The following TFR2 variants were observed in gnomAD, a reference collection of about 807,000 sequenced individuals.
The protein encoded by TFR2 is transferrin receptor 2.
TFR2 carries 64 observed loss-of-function variants against 91.9 expected under a neutral mutation model. That is an observed-to-expected ratio of 0.70 (90% CI 0.57 to 0.86). TFR2 has a LOEUF of 0.86. TFR2 is among the 40% of genes least tolerant of loss of function. The pLI is 0.00. For synonymous variants in TFR2, 454 were observed against 459.6 expected, an observed-to-expected ratio of 0.99 and a Z score of 0.15; for missense variants, 950 against 1,080.5, an observed-to-expected ratio of 0.88 and a Z score of 1.69.
intron 10 of TFR2, among the ~76,000 whole-genome samples, chr7:100,628,924 G>A (rs917098552): frequency 2.0e-5 from 3 of 151,882 alleles, no homozygotes; most frequent in Non-Finnish European, 2.9e-5. Flanking sequence ...CCTCCACCAC[G>A]CCTGGCTAAT....
chr7:100,628,778 T>C (rs1374745198), intron 10 of TFR2, among the ~76,000 whole-genome samples: 1 of 146,922 alleles, frequency 6.8e-6, no homozygotes, highest in Admixed American at 6.7e-5. Context: ...CTTTTCTTTC[T>C]TTTTTTTAGA....
chr7:100,628,298 GC>G lies in TFR2; in HGVS notation c.1398del (p.Arg468AlafsTer23), dbSNP rs773050231. On this transcript the variant is annotated frameshift_variant, in exon 11 of 18. Transcript: ENST00000223051. LOFTEE classifies it high-confidence loss of function. ...TFSSMVSNGF[R>X]PRRSLLFISW... ...CTGATGAAGAGGAGACTTCTGCGGG[GC>G]CGGAAGCCTGGGGACAGAGGGGAAG... 2.0e-5 allele frequency: 33 copies of G among 1,614,064 alleles called. No homozygotes were observed. The Admixed American group carries it at 5.5e-4, about 27-fold the overall frequency.
chr7:100,629,510 C>T lies in TFR2; in HGVS notation c.1271-138G>A, dbSNP rs577373172. 260 of 1,516,316 alleles carry T rather than the reference C, an allele frequency of 1.7e-4. No homozygotes were observed. In the African/African-American group the frequency reaches 3.0e-3, roughly 17 times the overall value. The allele number at this position is 1,516,316 out of a possible 1,614,324, so 93.9% of individuals were successfully genotyped here. On this transcript the variant is annotated intron_variant, in intron 9 of 17. Coordinates refer to ENST00000223051, the MANE Select transcript of TFR2 (RefSeq NM_003227.4). ...CAGTCCCTCCAGTCCCTAAAGAGGG[C>T]GCCCCTCCCCACTTGGCCCTTCCTG...
intron 17 of TFR2, among the ~76,000 whole-genome samples, chr7:100,624,939 TG>T (rs1803213943): frequency 6.6e-6 from 1 of 151,776 alleles, no homozygotes; most frequent in African/African-American, 2.4e-5. Context: ...CACCAACCCC[TG>T]GTCTAGAGCC....
Position 100,641,228 on chromosome 7 carries a change from G to A in TFR2, c.34C>T (p.Gln12Ter), listed in dbSNP as rs2131328001. The part of the protein sequence containing the change: ...ERLWGLFQRA[Q>*]QLSPRSSQTV... ...TGAGAGGATCTTGGGGACAGTTGTTGCTGTGCAGGCGAGGTGGGCATGAGA... is the reference window on the plus strand; with the variant it reads ...TGAGAGGATCTTGGGGACAGTTGTTACTGTGCAGGCGAGGTGGGCATGAGA... Residue 12 changes from glutamine (Q) to a stop codon, truncating the protein, a stop_gained and splice_region_variant, in exon 2 of 18, where the codon CAA becomes TAA. Coordinates refer to ENST00000223051, the MANE Select transcript of TFR2 (RefSeq NM_003227.4). LOFTEE classifies it high-confidence loss of function. 4 of 1,537,826 alleles carry A rather than the reference G, an allele frequency of 2.6e-6. No individual in the cohort carries two copies. Among genetic ancestry groups the A allele is most frequent in the Non-Finnish European group, 3.5e-6 (4 of 1,139,796 alleles).
chr7:100,631,056 G>T lies in TFR2; in HGVS notation c.1107-4C>A. 2.6e-6 allele frequency: 4 copies of T among 1,564,296 alleles called. No homozygotes were observed. The highest frequency in any genetic ancestry group is 3.4e-6 in the Non-Finnish European group (4 of 1,160,278). On this transcript the variant is annotated splice_polypyrimidine_tract_variant and splice_region_variant and intron_variant, in intron 8 of 17. Transcript: ENST00000223051. ...GGCCACAGGGCCTTTGAGCTTCCTG[G>T]AGAGGAGGAAGGCAGAAAGGGGGAA...
chr7:100,637,111 C>G (rs768899465), intron 3 of TFR2, among the ~76,000 whole-genome samples: 1 of 151,868 alleles, frequency 6.6e-6, no homozygotes, highest in Non-Finnish European at 1.5e-5. Flanking sequence ...AAAAAAAATA[C>G]ATAAATTGCC....
Position 100,633,254 on chromosome 7 carries a change from G to A in TFR2, c.701C>T (p.Pro234Leu). 6.2e-7 allele frequency: 1 copy of A among 1,613,828 alleles called. No homozygotes were observed. Among genetic ancestry groups the A allele is most frequent in the East Asian group, 2.2e-5 (1 of 44,862 alleles). Residue 234 changes from proline (P) to leucine (L), a missense_variant, in exon 5 of 18, where the codon CCC (proline) becomes CTC (leucine). Transcript: ENST00000223051. ...LPLEDPDVYC[P>L]YSAIGNVTGE... ...CGTGACGTTGCCGATGGCGCTGTAG[G>A]GGCAGTAGACGTCAGGGTCCTCCAG...
chr7:100,622,383 G>T (rs1205398754), intron 17 of TFR2, among the ~76,000 whole-genome samples: 1 of 152,086 alleles, frequency 6.6e-6, no homozygotes, highest in African/African-American at 2.4e-5. Flanking sequence ...TATCAGTACC[G>T]ATCTCTTCCC....
chr7:100,635,687 C>T (rs1803561231), intron 3 of TFR2, among the ~76,000 whole-genome samples: 1 of 152,112 alleles, frequency 6.6e-6, no homozygotes, highest in African/African-American at 2.4e-5. Flanking sequence ...TGGTCTCGAA[C>T]TCCTGTCCTC....
chr7:100,634,528 C>A (rs542684550), intron 3 of TFR2, among the ~76,000 whole-genome samples: 5 of 152,318 alleles, frequency 3.3e-5, no homozygotes, highest in African/African-American at 1.2e-4. Flanking sequence ...AGGCATGAAC[C>A]ATGACGACCC....
intron 17 of TFR2, among the ~76,000 whole-genome samples, chr7:100,625,741 C>T (rs538783867): frequency 3.3e-5 from 5 of 152,136 alleles, no homozygotes; most frequent in South Asian, 2.1e-4. Context: ...AAAATTTAGC[C>T]GGGCGTCATG....
chr7:100,621,407 C>T (rs943486375), intron 17 of TFR2, among the ~76,000 whole-genome samples: 4 of 152,178 alleles, frequency 2.6e-5, no homozygotes, highest in East Asian at 1.9e-4. Context: ...GCACCCGCCA[C>T]GACGCCCGGC....
chr7:100,632,021 C>T, intron 7 of TFR2, 61 bp downstream of exon 7: 1 of 1,614,128 alleles, frequency 6.2e-7, no homozygotes, highest in Non-Finnish European at 8.5e-7. Context: ...CAGCCCTATT[C>T]TGAGCAAGAA....
intron 3 of TFR2, among the ~76,000 whole-genome samples, chr7:100,637,064 G>C (rs543243466): frequency 3.3e-5 from 5 of 152,136 alleles, no homozygotes; most frequent in African/African-American, 1.2e-4. Flanking sequence ...CCAGGAGTTC[G>C]AAACCAGCCT....
intron 9 of TFR2, 62 bp downstream of exon 9, chr7:100,630,827 G>A (rs1803409653): frequency 1.2e-6 from 2 of 1,606,974 alleles, no homozygotes; most frequent in East Asian, 2.2e-5. Context: ...TTGCCAGGGT[G>A]TATGGGCAGA....
chr7:100,628,295 G>C lies in TFR2; in HGVS notation c.1402C>G (p.Arg468Gly). Residue 468 changes from arginine to glycine, a missense_variant, in exon 11 of 18, where the codon CGC becomes GGC. Arg to Gly is a moderately radical substitution (Grantham distance 125). Transcript: ENST00000223051. ...SSMVSNGFRP[R>G]RSLLFISWDG... is the part of the protein sequence containing the mutation. The stretch of plus-strand genomic sequence containing the variant: ...CAGCTGATGAAGAGGAGACTTCTGC[G>C]GGGCCGGAAGCCTGGGGACAGAGGG... The C allele has an allele frequency of 6.2e-7, 1 of 1,613,950 alleles. No individual in the cohort carries two copies. The highest frequency in any genetic ancestry group is 8.5e-7 in the Non-Finnish European group (1 of 1,179,932).
intron 8 of TFR2, chr7:100,631,581 A>G (rs1408706618): frequency 1.1e-5 from 5 of 446,150 alleles, no homozygotes; most frequent in Admixed American, 3.9e-5. Context: ...CCAAGATTGC[A>G]CCACTGCACT....
At chr7:100,624,911 G>T (rs897726178) in intron 17 of TFR2, among the ~76,000 whole-genome samples, 2 of 151,550 alleles carry the variant, frequency 1.3e-5, no homozygotes, top group Non-Finnish European at 2.9e-5. Context: ...GTTTGAATTT[G>T]GCCAATGGGC....
Sources: allele counts gnomAD v4.1 joint callset (sites outside exome capture counted in the v4.1 genomes callset), GRCh38; gene constraint gnomAD v4.1.1; transcripts MANE v1.5; gene names NCBI Gene and HGNC (gene_info 2026-07-23, HGNC 2026-07-21).